DPP10: variants seen among roughly 807,000 people sequenced by gnomAD.
DPP10 encodes dipeptidyl peptidase like 10.
Under a neutral mutation model 120.9 loss-of-function variants are expected in DPP10, and 33 were observed. That is an observed-to-expected ratio of 0.27 (90% confidence interval 0.21 to 0.37). DPP10 has a LOEUF of 0.37. DPP10 is among the 10% of genes least tolerant of loss of function. The pLI, the probability that DPP10 is intolerant of heterozygous loss-of-function variation, is 1.00. For missense variants in DPP10, 816 were observed against 942.8 expected (o/e 0.87, Z 1.76); for synonymous variants, 337 against 326.1 (o/e 1.03, Z -0.36).
At chr2:115,485,957 G>A (rs1378946776) in intron 3 of DPP10, among the ~76,000 whole-genome samples, 1 of 151,980 alleles carries the variant, frequency 6.6e-6, no homozygotes, top group African/African-American at 2.4e-5. Flanking sequence ...TAGTGACATA[G>A]TATAATGCCT....
chr2:115,058,079 T>C (rs1706078723), intron 1 of DPP10, among the ~76,000 whole-genome samples: 1 of 152,246 alleles, frequency 6.6e-6, no homozygotes, highest in East Asian at 1.9e-4. Flanking sequence ...GCTTAGGAGA[T>C]TTCCCATATT....
intron 1 of DPP10, among the ~76,000 whole-genome samples, chr2:115,241,195 G>T (rs576274843): frequency 1.3e-5 from 2 of 152,296 alleles, no homozygotes; most frequent in South Asian, 4.1e-4. Context: ...CTTGAACCCG[G>T]GAGGCGGAGG....
intron 3 of DPP10, among the ~76,000 whole-genome samples, 175 bp from the exon 4 acceptor site, chr2:115,499,335 C>T (rs977078410): frequency 4.6e-5 from 7 of 151,982 alleles, no homozygotes; most frequent in East Asian, 1.9e-4. Context: ...ATGTGTTAGG[C>T]GGGCTTCCTG....
rs145837291 is a variant in DPP10 at position 115,260,511 on chromosome 2, A to G, written c.61-48728A>G. On this transcript the variant is annotated intron_variant, in intron 1 of 25. Coordinates refer to ENST00000410059, the MANE Select transcript of DPP10 (RefSeq NM_020868.6). ...TGAAATGAGTCCATAAACACAATGC[A>G]CTTGCCAGCCCTCAAACAAAGTAGA... Among the ~76,000 whole-genome samples, 968 of 152,310 alleles carry G rather than the reference A, an allele frequency of 6.4e-3. 10 individuals are homozygous for G. Among genetic ancestry groups the G allele is most frequent in the Non-Finnish European group, 6.8e-3 (464 of 68,022 alleles).
At chr2:115,429,591 G>A (rs1258561747) in intron 3 of DPP10, among the ~76,000 whole-genome samples, 1 of 152,032 alleles carries the variant, frequency 6.6e-6, no homozygotes, top group East Asian at 1.9e-4. Flanking sequence ...GTGTCCTCAG[G>A]ACTTTAAAAA....
intron 1 of DPP10, among the ~76,000 whole-genome samples, chr2:114,491,102 T>A (rs752289586): frequency 6.6e-6 from 1 of 152,108 alleles, no homozygotes; most frequent in Non-Finnish European, 1.5e-5. Flanking sequence ...TTCAAAGAAA[T>A]TTGCCTTATC....
At chr2:114,495,132 A>C (rs1361449530) in intron 1 of DPP10, among the ~76,000 whole-genome samples, 1 of 152,176 alleles carries the variant, frequency 6.6e-6, no homozygotes, top group Non-Finnish European at 1.5e-5. Context: ...AGTAAAAAAA[A>C]TGTGAACGTT....
At chr2:115,156,215 A>G (rs1177207157) in intron 1 of DPP10, among the ~76,000 whole-genome samples, 1 of 152,198 alleles carries the variant, frequency 6.6e-6, no homozygotes, top group Non-Finnish European at 1.5e-5. Flanking sequence ...CGAAACTATT[A>G]TTTGTATAAT....
chr2:114,713,354 G>A (rs1026272765), intron 1 of DPP10, among the ~76,000 whole-genome samples: 1 of 152,082 alleles, frequency 6.6e-6, no homozygotes, highest in African/African-American at 2.4e-5. Flanking sequence ...TAAAATGACT[G>A]GGTTAAAGGG....
At chr2:114,483,206 G>C (rs1037504732) in intron 1 of DPP10, among the ~76,000 whole-genome samples, 62 of 152,200 alleles carry the variant, frequency 4.1e-4, no homozygotes, top group African/African-American at 1.4e-3. Context: ...CTCTGACAGG[G>C]CCAGTATCAG....
chr2:115,701,202 A>T (rs971089742), intron 7 of DPP10, among the ~76,000 whole-genome samples: 3 of 152,126 alleles, frequency 2.0e-5, no homozygotes, highest in Admixed American at 6.5e-5. Context: ...CAATGTATAG[A>T]ATTCAAAATA....
chr2:114,462,206 G>A, intron 1 of DPP10: 2 of 972,210 alleles, frequency 2.1e-6, no homozygotes, highest in South Asian at 9.5e-5. Flanking sequence ...CCGACAAGTT[G>A]CGAAGATTTT....
chr2:114,722,426 T>G (rs1257104680), intron 1 of DPP10, among the ~76,000 whole-genome samples: 2 of 151,106 alleles, frequency 1.3e-5, no homozygotes, highest in Admixed American at 6.6e-5. Context: ...GAATCTAAAG[T>G]TTTTTTTTGA....
chr2:115,181,432 G>A (rs948961674), intron 1 of DPP10, among the ~76,000 whole-genome samples: 18 of 152,104 alleles, frequency 1.2e-4, no homozygotes, highest in Admixed American at 3.9e-4. Flanking sequence ...GCATTCATCC[G>A]GTAGCTGGAA....
chr2:115,254,673 T>A (rs2105700072), intron 1 of DPP10, among the ~76,000 whole-genome samples: 1 of 152,288 alleles, frequency 6.6e-6, no homozygotes, highest in South Asian at 2.1e-4. Context: ...GTGCAGACAT[T>A]GGGTAAATAC....
At chr2:114,563,855 C>T (rs1194421892) in intron 1 of DPP10, among the ~76,000 whole-genome samples, 3 of 152,180 alleles carry the variant, frequency 2.0e-5, no homozygotes, top group African/African-American at 7.2e-5. Context: ...CCTCACCTTT[C>T]CCGGTGTCCA....
chr2:114,811,167 C>T (rs1685140282), intron 1 of DPP10, among the ~76,000 whole-genome samples: 1 of 152,162 alleles, frequency 6.6e-6, no homozygotes, highest in African/African-American at 2.4e-5. Flanking sequence ...CCAATAAAAA[C>T]AGCAGCAATG....
chr2:115,818,825 T>C (rs561837094), intron 21 of DPP10, among the ~76,000 whole-genome samples: 23 of 152,306 alleles, frequency 1.5e-4, no homozygotes, highest in South Asian at 1.5e-3. Flanking sequence ...GTATACTTGA[T>C]GTGCCTCAGA....
chr2:115,440,689 C>G (rs2071955785), intron 3 of DPP10, among the ~76,000 whole-genome samples: 1 of 152,242 alleles, frequency 6.6e-6, no homozygotes, highest in African/African-American at 2.4e-5. Flanking sequence ...ATGCAAGAAT[C>G]AAAAGAAGCA....
Sources: gnomAD v4.1 joint callset for allele counts (sites outside exome capture counted in the v4.1 genomes callset) on GRCh38, gnomAD v4.1.1 for gene constraint, MANE v1.5 for transcripts, NCBI Gene and HGNC (gene_info 2026-07-23, HGNC 2026-07-21) for gene names.